IMMP1L: variants seen among roughly 807,000 people sequenced by gnomAD.
The protein encoded by IMMP1L is inner mitochondrial membrane peptidase subunit 1.
Under a neutral mutation model 21.8 loss-of-function variants are expected in IMMP1L, and 24 were observed. The ratio of observed to expected loss-of-function variants is 1.10; its 90% CI spans 0.80 to 1.55. The LOEUF (loss-of-function observed/expected upper bound fraction) is 1.55, where lower values mean the gene tolerates loss of function less well. Among genes scored for constraint, IMMP1L ranks in the 40% most tolerant of loss-of-function variants. IMMP1L has a pLI of 0.00. For missense variants in IMMP1L, 195 were observed against 200.7 expected (o/e 0.97, Z 0.17); for synonymous variants, 46 against 62.8 (o/e 0.73, Z 1.26).
intron 1 of IMMP1L, among the ~76,000 whole-genome samples, chr11:31,479,277 C>G (rs1288147936): frequency 2.0e-5 from 3 of 152,034 alleles, no homozygotes; most frequent in African/African-American, 7.2e-5. Context: ...TAGTCATTAT[C>G]ACGTCATCAT....
chr11:31,466,272 T>C (rs1954342292), intron 1 of IMMP1L, among the ~76,000 whole-genome samples: 3 of 152,024 alleles, frequency 2.0e-5, no homozygotes. Flanking sequence ...CTGGCAAGGA[T>C]GTGGAGAAAA....
chr11:31,472,135 C>T (rs565431872), intron 1 of IMMP1L, among the ~76,000 whole-genome samples: 63 of 152,248 alleles, frequency 4.1e-4, no homozygotes, highest in African/African-American at 1.5e-3. Context: ...TCACAATGAT[C>T]TCAAAATCCT....
intron 4 of IMMP1L, 37 bp from the exon 5 acceptor site, chr11:31,433,607 A>C: frequency 7.6e-7 from 1 of 1,323,148 alleles, no homozygotes; most frequent in South Asian, 1.2e-5. Flanking sequence ...CTTAAAGATA[A>C]AACCTAATTT....
Position 31,460,019 on chromosome 11 carries a change from C to T in IMMP1L, c.194+607G>A, listed in dbSNP as rs536172353. ...AAAAACTACAAAAATTATCTGGGCG[C>T]GGCGAGTATACACCTGTAGTCACAG... On this transcript the variant is annotated intron_variant, in intron 3 of 5. Coordinates refer to ENST00000532287, the MANE Select transcript of IMMP1L (RefSeq NM_001304274.2). 1.1e-3 allele frequency among the ~76,000 whole-genome samples: 168 copies of T among 151,844 alleles called. 2 individuals carry two copies. Among genetic ancestry groups the T allele is most frequent in the African/African-American group, 3.6e-3 (149 of 41,404 alleles).
chr11:31,460,736 A>G, intron 2 of IMMP1L, 22 bp from the exon 3 acceptor site: 1 of 1,406,752 alleles, frequency 7.1e-7, no homozygotes, highest in Non-Finnish European at 1.0e-6. Context: ...GGTAATTTGT[A>G]ATCTAAATTC....
At chr11:31,450,531 A>T (rs2133602595) in intron 4 of IMMP1L, among the ~76,000 whole-genome samples, 1 of 152,300 alleles carries the variant, frequency 6.6e-6, no homozygotes, top group African/African-American at 2.4e-5. Context: ...GAAAAGAAAC[A>T]TTTAATCAGC....
chr11:31,473,616 C>G (rs1309644778), intron 1 of IMMP1L: 3 of 262,112 alleles, frequency 1.1e-5, no homozygotes, highest in Admixed American at 6.5e-5. Context: ...CAGAGTGAAC[C>G]TCAGAAGCTG....
At chr11:31,480,157 C>A (rs748665341) in intron 1 of IMMP1L, among the ~76,000 whole-genome samples, 4 of 151,946 alleles carry the variant, frequency 2.6e-5, no homozygotes, top group Non-Finnish European at 5.9e-5. Context: ...ATGTTTGGAT[C>A]TAGAAAGGGA....
intron 4 of IMMP1L, among the ~76,000 whole-genome samples, chr11:31,449,657 T>G (rs1953673629): frequency 6.6e-6 from 1 of 152,282 alleles, no homozygotes; most frequent in South Asian, 2.1e-4. Context: ...ATTAACATAC[T>G]CTACAATTCA....
chr11:31,444,653 G>A (rs753169547), intron 4 of IMMP1L, among the ~76,000 whole-genome samples: 6 of 148,688 alleles, frequency 4.0e-5, no homozygotes, highest in Admixed American at 3.4e-4. Context: ...GCCATGGCGC[G>A]ATCTTGGCTC....
chr11:31,452,439 C>T, intron 4 of IMMP1L: 2 of 985,414 alleles, frequency 2.0e-6, no homozygotes, highest in Admixed American at 1.2e-4. Flanking sequence ...TTGCATTTTG[C>T]CTGCTGTGCA....
At chr11:31,458,530 T>G (rs965665870) in intron 3 of IMMP1L, among the ~76,000 whole-genome samples, 4 of 152,132 alleles carry the variant, frequency 2.6e-5, no homozygotes, top group African/African-American at 9.7e-5. Context: ...ATACTAGATA[T>G]GCAAACTTTT....
intron 4 of IMMP1L, among the ~76,000 whole-genome samples, chr11:31,449,422 A>C (rs1953663477): frequency 6.6e-6 from 1 of 152,206 alleles, no homozygotes. Context: ...ATATAAAGTG[A>C]CCATTTTGTA....
intron 1 of IMMP1L, among the ~76,000 whole-genome samples, chr11:31,467,242 A>C (rs1489819548): frequency 6.6e-6 from 1 of 152,174 alleles, no homozygotes; most frequent in Non-Finnish European, 1.5e-5. Flanking sequence ...AAATTTACTT[A>C]AATAAGCATG....
chr11:31,481,305 C>T (rs1202014003), intron 1 of IMMP1L, among the ~76,000 whole-genome samples: 1 of 152,070 alleles, frequency 6.6e-6, no homozygotes, highest in African/African-American at 2.4e-5. Flanking sequence ...TTCAAACTAT[C>T]TCTTATCTGA....
At chr11:31,453,218 A>G in intron 4 of IMMP1L, 1 of 620,512 alleles carries the variant, frequency 1.6e-6, no homozygotes, top group Non-Finnish European at 2.4e-6. Flanking sequence ...ACATCACTAC[A>G]TCACTTAACC....
At chr11:31,495,764 T>C (rs1235883286) in intron 1 of IMMP1L, among the ~76,000 whole-genome samples, 3 of 152,088 alleles carry the variant, frequency 2.0e-5, no homozygotes, top group South Asian at 2.1e-4. Context: ...GACCATTCAA[T>C]GGGGAAAAGG....
intron 4 of IMMP1L, among the ~76,000 whole-genome samples, chr11:31,439,858 G>C (rs1055081630): frequency 3.9e-5 from 6 of 152,154 alleles, no homozygotes; most frequent in Admixed American, 3.9e-4. Flanking sequence ...AACAAGATCT[G>C]TCCACACTGG....
At chr11:31,436,520 C>T (rs1214410203) in intron 4 of IMMP1L, among the ~76,000 whole-genome samples, 4 of 151,604 alleles carry the variant, frequency 2.6e-5, no homozygotes, top group Non-Finnish European at 5.9e-5. Flanking sequence ...GCAACCTCCA[C>T]CTCCTGGGTT....
Sources: gnomAD v4.1 joint callset for allele counts (sites outside exome capture counted in the v4.1 genomes callset) on GRCh38, gnomAD v4.1.1 for gene constraint, MANE v1.5 for transcripts, NCBI Gene and HGNC (gene_info 2026-07-23, HGNC 2026-07-21) for gene names.